Variants in ESR1 observed in about 807,000 individuals in gnomAD.
The protein encoded by ESR1 is estrogen receptor 1.
In ESR1, 12 loss-of-function variants were observed where a neutral mutation model predicts 52.7. The ratio of observed to expected loss-of-function variants is 0.23; its 90% CI spans 0.15 to 0.37. The LOEUF is 0.37. Ranked by LOEUF, ESR1 falls within the 10% of genes least tolerant of loss-of-function variation. The probability of loss-of-function intolerance (pLI) is 1.00; values close to 1 mark genes in which losing one functional copy is unlikely to be tolerated. For synonymous variants in ESR1, 305 were observed against 316.8 expected (o/e 0.96, Z 0.39); for missense variants, 584 against 779.7 (o/e 0.75, Z 2.99).
chr6:151,722,554 G>A (rs1000701623), intron 2 of ESR1, among the ~76,000 whole-genome samples: 6 of 152,194 alleles, frequency 3.9e-5, no homozygotes, highest in South Asian at 4.1e-4. Context: ...GCACTGACAC[G>A]GCTGAGAGTC....
In ESR1 at chr6:152,123,789, T is replaced by C. The variant is rs114310989; in HGVS notation, c.851-1477T>C. 5.1e-3 allele frequency among the ~76,000 whole-genome samples: 777 copies of C among 152,346 alleles called. 9 individuals carry two copies. The highest frequency in any genetic ancestry group is 0.016 in the African/African-American group (680 of 41,568). On this transcript the variant is annotated intron_variant, in intron 6 of 6. Transcript: ENST00000427531. Reference sequence around the variant, plus strand: ...TATCACCAAGGATAAGGACATTGTATGTGAGGCTACTGAAATAATATGAGC... The same window carrying C: ...TATCACCAAGGATAAGGACATTGTACGTGAGGCTACTGAAATAATATGAGC...
At chr6:152,068,343 A>T (rs2048130592) in intron 6 of ESR1, among the ~76,000 whole-genome samples, 1 of 152,238 alleles carries the variant, frequency 6.6e-6, no homozygotes, top group South Asian at 2.1e-4. Flanking sequence ...TCTGTGAAAA[A>T]TGTGTTACTT....
Position 151,913,139 on chromosome 6 carries a change from G to A in ESR1, c.761-31034G>A, listed in dbSNP as rs113998555. ...AATAAAATAAAATAAATGAAAAGTA[G>A]CCATTTTACCAGTTGAGTATTTACT... On this transcript the variant is annotated intron_variant, in intron 3 of 7. Coordinates refer to ENST00000206249, the MANE Select transcript of ESR1 (RefSeq NM_000125.4). 2.2e-3 allele frequency among the ~76,000 whole-genome samples: 331 copies of A among 152,026 alleles called. 2 individuals carry two copies. Among genetic ancestry groups the A allele is most frequent in the African/African-American group, 7.3e-3 (301 of 41,488 alleles).
chr6:152,066,117 C>T (rs2047944494), intron 6 of ESR1, among the ~76,000 whole-genome samples: 1 of 152,192 alleles, frequency 6.6e-6, no homozygotes, highest in African/African-American at 2.4e-5. Flanking sequence ...TGTGGCACAT[C>T]TTGCCATGAT....
chr6:151,736,375 G>GTTTTTTTTTTTTTTGTTTTT (rs1782667823), intron 2 of ESR1, among the ~76,000 whole-genome samples: 1 of 112,742 alleles, frequency 8.9e-6, no homozygotes, highest in African/African-American at 3.8e-5. Context: ...TCCAGGTAGT[G>GTTTTTTTTTTTTTTGTTTTT]TTTTTTTTTT....
chr6:151,977,916 C>G (rs777877156), intron 4 of ESR1, among the ~76,000 whole-genome samples: 6 of 146,900 alleles, frequency 4.1e-5, no homozygotes, highest in Non-Finnish European at 7.5e-5. Flanking sequence ...AACATCTGAC[C>G]CTTCTGAAAA....
chr6:151,700,305 C>CT (rs144794856), intron 1 of ESR1, among the ~76,000 whole-genome samples: 7 of 152,094 alleles, frequency 4.6e-5, no homozygotes, highest in East Asian at 1.9e-4. Flanking sequence ...TTTAATTAGC[C>CT]TTTTTTTCCC....
intron 5 of ESR1, among the ~76,000 whole-genome samples, chr6:152,023,936 A>T (rs982854990): frequency 1.7e-4 from 26 of 152,172 alleles, no homozygotes; most frequent in African/African-American, 6.3e-4. Flanking sequence ...GAACACTGTC[A>T]CATATGTTGG....
chr6:151,981,115 T>A (rs1001848972), intron 4 of ESR1, among the ~76,000 whole-genome samples: 2 of 152,268 alleles, frequency 1.3e-5, no homozygotes, highest in African/African-American at 4.8e-5. Flanking sequence ...TCATCTCATA[T>A]CCTGTGCAGG....
At chr6:152,032,633 AT>A (rs1024060696) in intron 5 of ESR1, among the ~76,000 whole-genome samples, 1 of 152,210 alleles carries the variant, frequency 6.6e-6, no homozygotes, top group Admixed American at 6.5e-5. Flanking sequence ...GCTCAACAAA[AT>A]AAAAGAAGAT....
intron 3 of ESR1, among the ~76,000 whole-genome samples, chr6:151,917,019 A>T (rs1337461106): frequency 6.6e-6 from 1 of 152,182 alleles, no homozygotes; most frequent in East Asian, 1.9e-4. Flanking sequence ...TGACTATCCC[A>T]CTGGCAGGCA....
In ESR1 at chr6:151,880,781, T is replaced by C. The variant is rs1388512674; in HGVS notation, c.760+10T>C. 1 of 1,456,142 alleles carries C rather than the reference T, an allele frequency of 6.9e-7. No individual in the cohort carries two copies. The highest frequency in any genetic ancestry group is 1.4e-5 in the African/African-American group (1 of 71,772). 90.2% of individuals were successfully genotyped at this position (1,456,142 alleles called of 1,614,324 possible). On this transcript the variant is annotated intron_variant, in intron 3 of 7. Transcript: ENST00000206249. ...GGAATGATGAAAGGTGGTAGGTACA[T>C]CTCTCCCAGGGGCCCTTGGGGATGG...
upstream of ESR1, chr6:151,805,669 G>C (rs771197246): frequency 6.6e-6 from 1 of 152,600 alleles, no homozygotes; most frequent in African/African-American, 2.4e-5. Context: ...GCCATTCCAC[G>C]CACAAACACA....
intron 4 of ESR1, among the ~76,000 whole-genome samples, chr6:151,993,006 G>C (rs1177703148): frequency 1.3e-5 from 2 of 152,094 alleles, no homozygotes; most frequent in Non-Finnish European, 1.5e-5. Context: ...GTTGATGGGG[G>C]AGATGGGGGA....
At chr6:151,801,474 A>C (rs1777237666), upstream of ESR1, among the ~76,000 whole-genome samples, 5 of 152,202 alleles carry the variant, frequency 3.3e-5, no homozygotes, top group African/African-American at 4.8e-5. Flanking sequence ...CTGCCTGACA[A>C]CCAAAAAATT....
chr6:151,783,414 C>T (rs1212965861), intron 2 of ESR1, among the ~76,000 whole-genome samples: 1 of 152,184 alleles, frequency 6.6e-6, no homozygotes, highest in Non-Finnish European at 1.5e-5. Flanking sequence ...GGGAATCTGT[C>T]ACTGCTACAG....
chr6:152,002,098 C>A (rs1472390208), intron 4 of ESR1, among the ~76,000 whole-genome samples: 1 of 151,790 alleles, frequency 6.6e-6, no homozygotes, highest in Non-Finnish European at 1.5e-5. Context: ...GGAATATAAG[C>A]CTCTTGTTTT....
intron 2 of ESR1, among the ~76,000 whole-genome samples, chr6:151,745,573 TAATC>T (rs1275253609): frequency 6.6e-6 from 1 of 152,160 alleles, no homozygotes; most frequent in African/African-American, 2.4e-5. Flanking sequence ...ATATTTTAAA[TAATC>T]AACCATCCAC....
At chr6:151,728,355 A>G (rs1001153815) in intron 2 of ESR1, among the ~76,000 whole-genome samples, 3 of 152,232 alleles carry the variant, frequency 2.0e-5, no homozygotes, top group Admixed American at 6.5e-5. Context: ...GTTCACTCTG[A>G]CATCCTGTAA....
Sources: gnomAD v4.1 joint callset for allele counts (sites outside exome capture counted in the v4.1 genomes callset) on GRCh38, gnomAD v4.1.1 for gene constraint, MANE v1.5 for transcripts, NCBI Gene and HGNC (gene_info 2026-07-23, HGNC 2026-07-21) for gene names.